Variants in RIPOR3 observed in about 807,000 individuals in gnomAD.
The protein encoded by RIPOR3 is family with sequence similarity 65 member C.
RIPOR3 carries 95 observed loss-of-function variants against 114.3 expected under a neutral mutation model. That is an observed-to-expected ratio of 0.83 (90% CI 0.70 to 0.99). RIPOR3 has a LOEUF of 0.99. RIPOR3 is among the 50% of genes least tolerant of loss of function. RIPOR3 has a pLI of 0.00. For missense variants in RIPOR3, 1,252 were observed against 1,266.9 expected (o/e 0.99, Z 0.18); for synonymous variants, 575 against 543.8 (o/e 1.06, Z -0.80).
intron 3 of RIPOR3, among the ~76,000 whole-genome samples, chr20:50,618,878 C>G (rs1186759074): frequency 6.6e-6 from 1 of 152,162 alleles, no homozygotes; most frequent in Admixed American, 6.5e-5. Flanking sequence ...AGTTCAAGAC[C>G]AGCCTGGCCA....
At chr20:50,635,823 G>T (rs369606532) in intron 1 of RIPOR3, among the ~76,000 whole-genome samples, 1 of 152,240 alleles carries the variant, frequency 6.6e-6, no homozygotes, top group Non-Finnish European at 1.5e-5. Flanking sequence ...TCGGGACTCC[G>T]CTGTGCTTGC....
chr20:50,641,846 C>G (rs2085208947), intron 1 of RIPOR3, among the ~76,000 whole-genome samples: 1 of 152,228 alleles, frequency 6.6e-6, no homozygotes, highest in African/African-American at 2.4e-5. Context: ...GGCAGGACCT[C>G]TCACTTGACC....
At chr20:50,598,006 A>G (rs2083359064) in intron 13 of RIPOR3, among the ~76,000 whole-genome samples, 1 of 152,218 alleles carries the variant, frequency 6.6e-6, no homozygotes, top group African/African-American at 2.4e-5. Flanking sequence ...CAATGGCAGG[A>G]GTGAGTGAGC....
chr20:50,596,108 C>T (rs1290398866), intron 15 of RIPOR3, 32 bp downstream of exon 15: 1 of 1,613,402 alleles, frequency 6.2e-7, no homozygotes, highest in African/African-American at 1.3e-5. Context: ...CCCCTGTCTG[C>T]CCCTCCCTGA....
At chr20:50,620,261 C>T in intron 2 of RIPOR3, 129 bp from the exon 3 acceptor site, 1 of 1,059,658 alleles carries the variant, frequency 9.4e-7, no homozygotes, top group Non-Finnish European at 1.3e-6. Flanking sequence ...GTCCCACCCC[C>T]ATCACCACCA....
At chr20:50,688,883 C>T (rs1252342508) in intron 1 of RIPOR3, among the ~76,000 whole-genome samples, 1 of 152,148 alleles carries the variant, frequency 6.6e-6, no homozygotes, top group Admixed American at 6.6e-5. Flanking sequence ...ACTGGGGGAC[C>T]CTGGGGGGAG....
chr20:50,639,930 C>G (rs1186302376), intron 1 of RIPOR3, among the ~76,000 whole-genome samples: 2 of 152,008 alleles, frequency 1.3e-5, no homozygotes, highest in Non-Finnish European at 2.9e-5. Context: ...AGGAGCACAG[C>G]CTGTGACAGC....
intron 13 of RIPOR3, among the ~76,000 whole-genome samples, chr20:50,600,655 G>C (rs768192548): frequency 1.9e-4 from 29 of 152,124 alleles, no homozygotes; most frequent in Non-Finnish European, 3.1e-4. Flanking sequence ...AACTAGTCAG[G>C]AGGCTGAGGG....
At chr20:50,612,233 A>G (rs1037382696) in intron 4 of RIPOR3, among the ~76,000 whole-genome samples, 1 of 151,636 alleles carries the variant, frequency 6.6e-6, no homozygotes, top group African/African-American at 2.4e-5. Context: ...GACCTAAGAC[A>G]TGGGAAGTGC....
intron 2 of RIPOR3, among the ~76,000 whole-genome samples, chr20:50,622,869 C>A (rs2084470496): frequency 6.6e-6 from 1 of 152,168 alleles, no homozygotes; most frequent in South Asian, 2.1e-4. Context: ...CTATTAGATG[C>A]CAGGCCCAAA....
chr20:50,655,819 G>A (rs938230377), intron 1 of RIPOR3, among the ~76,000 whole-genome samples: 1 of 151,880 alleles, frequency 6.6e-6, no homozygotes. Context: ...CATGAGGCAC[G>A]AGACCTTCAT....
chr20:50,595,267 A>AT, intron 16 of RIPOR3, 102 bp downstream of exon 16: 3 of 1,475,998 alleles, frequency 2.0e-6, no homozygotes, highest in Non-Finnish European at 2.8e-6. Context: ...CTGGGCCCCG[A>AT]TTAACTCTGG....
In RIPOR3 at chr20:50,602,761, G is replaced by A. The variant is rs2083552668; in HGVS notation, c.1087-117C>T. The A allele has an allele frequency of 7.3e-6, 5 of 681,622 alleles. No individual in the cohort carries two copies. The highest frequency in any genetic ancestry group is 1.1e-5 in the Non-Finnish European group (5 of 472,746). The allele number at this position is 681,622 out of a possible 1,614,324, so 42.2% of individuals were successfully genotyped here. On this transcript the variant is annotated intron_variant, in intron 12 of 21. Coordinates refer to ENST00000327979, the MANE Select transcript of RIPOR3 (RefSeq NM_001290268.2). This position sits in a 1 kb window ranked among gnomAD's most constrained non-coding sequence, Gnocchi z 4.3. ...GCATGCCCATGTTCTCAGGATGACT[G>A]AGGCCTGCCGAGGTGACCAGCATCC...
chr20:50,625,008 G>T (rs930212551), intron 2 of RIPOR3, among the ~76,000 whole-genome samples: 1 of 152,186 alleles, frequency 6.6e-6, no homozygotes, highest in East Asian at 1.9e-4. Flanking sequence ...CTGGCCACTG[G>T]GTGATGATGA....
At chr20:50,600,360 C>T (rs149360015) in intron 13 of RIPOR3, among the ~76,000 whole-genome samples, 2 of 152,192 alleles carry the variant, frequency 1.3e-5, no homozygotes, top group South Asian at 2.1e-4. Flanking sequence ...TACATTATTG[C>T]GGCATTAACA....
chr20:50,615,108 A>T lies in RIPOR3; in HGVS notation c.348+894T>A, dbSNP rs368549534. Among the ~76,000 whole-genome samples the T allele has an allele frequency of 7.9e-5, 11 of 138,514 alleles. No individual in the cohort carries two copies. In the East Asian group the frequency reaches 1.8e-3, roughly 22 times the overall value. The allele number at this position is 138,514 out of a possible 152,430, so 90.9% of individuals were successfully genotyped here. A position where few individuals can be genotyped will look rare whatever the true frequency, so the allele number is the denominator to read the frequency against. ...AATTTAATGGGGCATGCTATTTGTG[A>T]GTGTGTGTGTGTGTGTGTGTGTGTG... On this transcript the variant is annotated intron_variant, in intron 4 of 21. Coordinates refer to ENST00000327979, the MANE Select transcript of RIPOR3 (RefSeq NM_001290268.2).
intron 1 of RIPOR3, among the ~76,000 whole-genome samples, chr20:50,657,748 CTTTTT>C (rs1272938455): frequency 9.2e-6 from 1 of 109,094 alleles, no homozygotes; most frequent in Non-Finnish European, 1.9e-5. Context: ...ATGTCTTTTA[CTTTTT>C]TTTTTTTTTT....
At position 50,596,124 on chromosome 20, in the gene RIPOR3, C is replaced by A. The variant is rs1401598472; in HGVS notation, c.1914+16G>T. 6.2e-7 allele frequency: 1 copy of A among 1,614,018 alleles called. No individual in the cohort carries two copies. Among genetic ancestry groups the A allele is most frequent in the East Asian group, 2.2e-5 (1 of 44,878 alleles). On this transcript the variant is annotated intron_variant, in intron 15 of 21. Coordinates refer to ENST00000327979, the MANE Select transcript of RIPOR3 (RefSeq NM_001290268.2). Reference sequence around the variant, plus strand: ...CCCTGTCTGCCCCTCCCTGACAAGTCCCCTAGCCCAGCCACCTGCAGCAGA... The same window carrying A: ...CCCTGTCTGCCCCTCCCTGACAAGTACCCTAGCCCAGCCACCTGCAGCAGA...
intron 1 of RIPOR3, among the ~76,000 whole-genome samples, chr20:50,666,992 A>T (rs956500411): frequency 6.6e-6 from 1 of 152,184 alleles, no homozygotes; most frequent in Non-Finnish European, 1.5e-5. Flanking sequence ...CGGGCGAGGT[A>T]TCTGGAATAT....
Sources: gnomAD v4.1 joint callset for allele counts (sites outside exome capture counted in the v4.1 genomes callset) on GRCh38, gnomAD v4.1.1 for gene constraint, Gnocchi (gnomAD v3.1) non-coding constraint, MANE v1.5 for transcripts, NCBI Gene and HGNC (gene_info 2026-07-23, HGNC 2026-07-21) for gene names.